Variants in SEPTIN14 observed in about 807,000 individuals in gnomAD.
SEPTIN14 encodes the protein septin-14.
In SEPTIN14, 40 loss-of-function variants were observed where a neutral mutation model predicts 53.6. The observed-to-expected ratio is 0.75, with a 90% CI of 0.58 to 0.97. SEPTIN14 has a LOEUF of 0.97. Among genes scored for constraint, SEPTIN14 ranks in the 50% least tolerant of loss-of-function variants. The pLI, the probability that SEPTIN14 is intolerant of heterozygous loss-of-function variation, is 0.00. For synonymous variants in SEPTIN14, 138 were observed against 166.8 expected, an observed-to-expected ratio of 0.83 and a Z score of 1.33; for missense variants, 471 against 508.2, an observed-to-expected ratio of 0.93 and a Z score of 0.70.
Position 55,862,696 on chromosome 7 carries a change from G to C in SEPTIN14, c.-24C>G, listed in dbSNP as rs1295289462. The stretch of plus-strand genomic sequence containing the variant: ...AAGATTAAATAACTTACTTTCCCAG[G>C]GATTCAGCTGTGCAGCAGACACAGG... On this transcript the variant is annotated 5_prime_UTR_variant, in exon 1 of 10. Coordinates refer to ENST00000388975, the MANE Select transcript of SEPTIN14 (RefSeq NM_207366.3). The C allele has an allele frequency of 6.6e-6, 1 of 152,120 alleles. No individual in the cohort carries two copies. Among genetic ancestry groups the C allele is most frequent in the Non-Finnish European group, 1.5e-5 (1 of 68,052 alleles). 9.4% of individuals were successfully genotyped at this position (152,120 alleles called of 1,614,324 possible). A position where few individuals can be genotyped will look rare whatever the true frequency, so the allele number is the denominator to read the frequency against.
chr7:55,806,443 T>A (rs966887248), intron 8 of SEPTIN14, among the ~76,000 whole-genome samples: 2 of 150,620 alleles, frequency 1.3e-5, no homozygotes, highest in African/African-American at 4.9e-5. Context: ...TTTTTCCATC[T>A]TTTTCTTTAT....
rs575623077 is a variant in SEPTIN14 at position 55,848,148 on chromosome 7, T to A, written c.55-1511A>T. On this transcript the variant is annotated intron_variant, in intron 2 of 9. Transcript: ENST00000388975. Reference sequence around the variant, plus strand: ...CATCAACAATCAGCTCAGTAGATGTTGTCTACATTTATTTTGTACCTTTAT... The same window carrying A: ...CATCAACAATCAGCTCAGTAGATGTAGTCTACATTTATTTTGTACCTTTAT... 1.7e-3 allele frequency among the ~76,000 whole-genome samples: 259 copies of A among 152,328 alleles called. 2 individuals are homozygous for A. Among genetic ancestry groups the A allele is most frequent in the Middle Eastern group, 3.4e-3 (1 of 294 alleles).
Position 55,846,701 on chromosome 7 carries a change from A to G in SEPTIN14, c.55-64T>C, listed in dbSNP as rs1410943417. 5 of 866,496 alleles carry G rather than the reference A, an allele frequency of 5.8e-6. No homozygotes were observed. The African/African-American group carries it at 8.5e-5, about 15-fold the overall frequency. 53.7% of individuals were successfully genotyped at this position (866,496 alleles called of 1,614,324 possible). On this transcript the variant is annotated intron_variant, in intron 2 of 9. Coordinates refer to ENST00000388975, the MANE Select transcript of SEPTIN14 (RefSeq NM_207366.3). ...AAAAAATGAAGTCATTTGAAAGGAA[A>G]ATGATTATAGTACATCAAATAAATT...
In SEPTIN14 at chr7:55,795,011, T is replaced by C. The variant is rs1332869268; in HGVS notation, c.*902A>G. 5.3e-5 allele frequency: 8 copies of C among 152,286 alleles called. No individual in the cohort carries two copies. The South Asian group carries it at 1.4e-3, about 28-fold the overall frequency. 9.4% of individuals were successfully genotyped at this position (152,286 alleles called of 1,614,324 possible). ...CCCAAATCTGTAACACATAATATTA[T>C]CATTCAAATGCAACTCTTTCTCTAG... On this transcript the variant is annotated 3_prime_UTR_variant, in exon 10 of 10. Coordinates refer to ENST00000388975, the MANE Select transcript of SEPTIN14 (RefSeq NM_207366.3).
chr7:55,819,199 C>T lies in SEPTIN14; in HGVS notation c.745G>A (p.Gly249Arg), dbSNP rs1389861865. ...VSGLLPFAVVGSTDEVKVGKR... is the reference protein window; with the variant it reads ...VSGLLPFAVVRSTDEVKVGKR... ...CCAACTTTCACTTCATCTGTACTCC[C>T]TACCACAGCAAAGGGTAACAGCCCC... Residue 249 changes from glycine to arginine, a missense_variant, in exon 7 of 10, where the codon GGG becomes AGG. Transcript: ENST00000388975. The T allele has an allele frequency of 6.3e-7, 1 of 1,574,950 alleles. No individual in the cohort carries two copies. Among genetic ancestry groups the T allele is most frequent in the Non-Finnish European group, 8.6e-7 (1 of 1,159,046 alleles).
intron 5 of SEPTIN14, among the ~76,000 whole-genome samples, chr7:55,835,750 T>G (rs1312123395): frequency 6.6e-6 from 1 of 152,110 alleles, no homozygotes; most frequent in African/African-American, 2.4e-5. Context: ...TACCATATTC[T>G]TTCTTTTTTT....
chr7:55,851,906 G>A (rs1789521647), intron 2 of SEPTIN14, among the ~76,000 whole-genome samples: 1 of 152,108 alleles, frequency 6.6e-6, no homozygotes, highest in Non-Finnish European at 1.5e-5. Context: ...ACTTTGGGAG[G>A]CTGAGGCGGG....
chr7:55,805,014 T>A (rs1325147336), intron 9 of SEPTIN14, among the ~76,000 whole-genome samples: 1 of 152,250 alleles, frequency 6.6e-6, no homozygotes, highest in African/African-American at 2.4e-5. Context: ...AAATTATAAA[T>A]AAAACATAAT....
At chr7:55,840,571 G>A (rs1222919712) in intron 5 of SEPTIN14, among the ~76,000 whole-genome samples, 1 of 152,070 alleles carries the variant, frequency 6.6e-6, no homozygotes, top group African/African-American at 2.4e-5. Context: ...GTGGTCATCT[G>A]CCAGACAAGG....
In SEPTIN14 at chr7:55,814,909, T is replaced by C. The variant is rs1162971483; in HGVS notation, c.817+4218A>G. ...TTCGAATTATACTACAAAGCTATAGTAAGTGAAACAGCATGGTACCGGCAT... is the reference window on the plus strand; with the variant it reads ...TTCGAATTATACTACAAAGCTATAGCAAGTGAAACAGCATGGTACCGGCAT... On this transcript the variant is annotated intron_variant, in intron 7 of 9. Transcript: ENST00000388975. 3.9e-5 allele frequency among the ~76,000 whole-genome samples: 6 copies of C among 152,086 alleles called. No homozygotes were observed. The East Asian group carries it at 1.2e-3, about 29-fold the overall frequency.
At chr7:55,854,804 A>G (rs1043574255) in intron 2 of SEPTIN14, among the ~76,000 whole-genome samples, 1 of 152,202 alleles carries the variant, frequency 6.6e-6, no homozygotes, top group African/African-American at 2.4e-5. Context: ...TTTTATATTG[A>G]AAAAAGGTAG....
At chr7:55,849,179 AC>A (rs1035753047) in intron 2 of SEPTIN14, among the ~76,000 whole-genome samples, 20 of 150,556 alleles carry the variant, frequency 1.3e-4, no homozygotes, top group African/African-American at 3.7e-4. Flanking sequence ...ACAAAAATGA[AC>A]CCGGCATGGT....
intron 9 of SEPTIN14, among the ~76,000 whole-genome samples, chr7:55,797,194 A>G (rs1708697253): frequency 1.3e-5 from 2 of 152,162 alleles, no homozygotes; most frequent in African/African-American, 4.8e-5. Flanking sequence ...CTGTCAGGTT[A>G]TGGGAGTCTG....
intron 6 of SEPTIN14, among the ~76,000 whole-genome samples, chr7:55,820,301 C>T (rs1404612931): frequency 6.6e-6 from 1 of 152,114 alleles, no homozygotes; most frequent in African/African-American, 2.4e-5. Flanking sequence ...ACGCCCATCC[C>T]AAATAATTTT....
At chr7:55,847,040 C>T (rs1789428096) in intron 2 of SEPTIN14, among the ~76,000 whole-genome samples, 1 of 151,892 alleles carries the variant, frequency 6.6e-6, no homozygotes. Flanking sequence ...ACAAAATTAG[C>T]CGGGCATGCT....
intron 7 of SEPTIN14, among the ~76,000 whole-genome samples, chr7:55,817,762 G>A (rs947519695): frequency 2.0e-5 from 3 of 151,954 alleles, no homozygotes; most frequent in Non-Finnish European, 2.9e-5. Flanking sequence ...GAGCCACTGC[G>A]CCCGGCCAAT....
rs2078858904 is a variant in SEPTIN14 at position 55,802,841 on chromosome 7, ACTGTACAT to A, written c.1119+2409_1119+2416del. Among the ~76,000 whole-genome samples, 3 of 152,154 alleles carry A rather than the reference ACTGTACAT, an allele frequency of 2.0e-5. No homozygotes were observed. In the South Asian group the frequency reaches 6.2e-4, roughly 32 times the overall value. On this transcript the variant is annotated intron_variant, in intron 9 of 9. Coordinates refer to ENST00000388975, the MANE Select transcript of SEPTIN14 (RefSeq NM_207366.3). ...ATGAAATGTGAGAAAATATTTGCAAACTGTACATCTGATAAGGGGTTAATGCCCCAAAT... is the reference window on the plus strand; with the variant it reads ...ATGAAATGTGAGAAAATATTTGCAAACTGATAAGGGGTTAATGCCCCAAAT...
intron 2 of SEPTIN14, among the ~76,000 whole-genome samples, chr7:55,855,465 A>C (rs1262034673): frequency 6.6e-6 from 1 of 152,262 alleles, no homozygotes; most frequent in African/African-American, 2.4e-5. Context: ...GAAGAGTTCT[A>C]AAGCAAGGAG....
chr7:55,843,627 T>A (rs1311950725), intron 4 of SEPTIN14, among the ~76,000 whole-genome samples: 3 of 149,156 alleles, frequency 2.0e-5, no homozygotes. Context: ...AGGTCAGGAG[T>A]TCAAGACCAT....
Sources: gnomAD v4.1 joint callset for allele counts (sites outside exome capture counted in the v4.1 genomes callset) on GRCh38, gnomAD v4.1.1 for gene constraint, MANE v1.5 for transcripts, NCBI Gene and HGNC (gene_info 2026-07-23, HGNC 2026-07-21) for gene names.